The following MYH11 variants were observed in gnomAD, a reference collection of about 807,000 sequenced individuals.
MYH11 encodes myosin heavy chain 11, also known as myosin-11.
In MYH11, 80 loss-of-function variants were observed where a neutral mutation model predicts 246.6. That is an observed-to-expected ratio of 0.32 (90% CI 0.27 to 0.39). MYH11 has a LOEUF of 0.39. Among genes scored for constraint, MYH11 ranks in the 10% least tolerant of loss-of-function variants. The probability of loss-of-function intolerance (pLI) is 1.00; values close to 1 mark genes in which losing one functional copy is unlikely to be tolerated. For missense variants in MYH11, 2,158 were observed against 2,546.8 expected, an observed-to-expected ratio of 0.85 and a Z score of 3.29; for synonymous variants, 1,071 against 1,015.5, an observed-to-expected ratio of 1.05 and a Z score of -1.04.
At chr16:15,812,801 A>G (rs1188494700) in intron 3 of MYH11, among the ~76,000 whole-genome samples, 1 of 152,116 alleles carries the variant, frequency 6.6e-6, no homozygotes, top group East Asian at 1.9e-4. Flanking sequence ...GGAGCCTAGG[A>G]GGTCAAGCCT....
intron 6 of MYH11, 34 bp from the exon 7 acceptor site, chr16:15,778,877 G>C: frequency 1.2e-6 from 2 of 1,608,936 alleles, no homozygotes; most frequent in Non-Finnish European, 1.7e-6. Flanking sequence ...AGGCTTTGCT[G>C]CCCAACTTCA....
intron 5 of MYH11, chr16:15,783,246 TG>T (rs2042395810): frequency 6.6e-6 from 1 of 152,310 alleles, no homozygotes; most frequent in Non-Finnish European, 1.5e-5. Flanking sequence ...CCCTAAAACA[TG>T]GCGGCTGCAG....
At chr16:15,807,971 G>C (rs149318493) in intron 3 of MYH11, among the ~76,000 whole-genome samples, 1 of 152,070 alleles carries the variant, frequency 6.6e-6, no homozygotes. Context: ...AAAACCCAGC[G>C]GGGACTGAGC....
chr16:15,787,267 G>A (rs141699810), intron 4 of MYH11, among the ~76,000 whole-genome samples: 3,542 of 150,622 alleles, frequency 0.024, 158 homozygotes, highest in African/African-American at 0.082. Flanking sequence ...AATTAACCAG[G>A]CTTGGTGGTG....
chr16:15,788,849 G>A (rs527526051), intron 4 of MYH11, among the ~76,000 whole-genome samples: 2 of 148,840 alleles, frequency 1.3e-5, no homozygotes, highest in East Asian at 4.0e-4. Context: ...TGTAAAAGAG[G>A]AGAACTGGCC....
intron 9 of MYH11, among the ~76,000 whole-genome samples, chr16:15,768,908 G>T (rs779475713): frequency 2.0e-5 from 3 of 152,084 alleles, no homozygotes; most frequent in African/African-American, 4.8e-5. Flanking sequence ...CACTTTGGGA[G>T]GCCAAGGTGG....
intron 3 of MYH11, among the ~76,000 whole-genome samples, chr16:15,807,857 G>A (rs1439125824): frequency 6.6e-6 from 1 of 152,224 alleles, no homozygotes; most frequent in African/African-American, 2.4e-5. Flanking sequence ...ACTCCCAGGA[G>A]GTACCCAGCT....
intron 4 of MYH11, among the ~76,000 whole-genome samples, chr16:15,797,614 C>G (rs923662366): frequency 1.3e-5 from 2 of 148,572 alleles, no homozygotes; most frequent in African/African-American, 4.9e-5. Context: ...TATGCACAGT[C>G]TATCCTCATT....
At chr16:15,793,650 C>T (rs1253213017) in intron 4 of MYH11, among the ~76,000 whole-genome samples, 5 of 133,530 alleles carry the variant, frequency 3.7e-5, no homozygotes, top group South Asian at 2.4e-4. Flanking sequence ...GACAGAGTCT[C>T]GCTCTGTCAC....
chr16:15,747,561 C>A lies in MYH11; in HGVS notation c.2411+9G>T. 4 of 1,614,146 alleles carry A rather than the reference C, an allele frequency of 2.5e-6. No homozygotes were observed. Among genetic ancestry groups the A allele is most frequent in the Non-Finnish European group, 3.4e-6 (4 of 1,180,030 alleles). On this transcript the variant is annotated intron_variant, in intron 19 of 40. Coordinates refer to ENST00000300036, the MANE Select transcript of MYH11 (RefSeq NM_002474.3). ...TTTGAGGTATTAGGATGCAGGAAAGCATCTTTACTTTCTGGCCAAGTAGCC... is the reference window on the plus strand; with the variant it reads ...TTTGAGGTATTAGGATGCAGGAAAGAATCTTTACTTTCTGGCCAAGTAGCC...
At chr16:15,716,001 C>T (rs1470896871) in intron 38 of MYH11, among the ~76,000 whole-genome samples, 1 of 152,046 alleles carries the variant, frequency 6.6e-6, no homozygotes, top group Non-Finnish European at 1.5e-5. Context: ...GTGGTGTGCA[C>T]CTGTAGTCCC....
At chr16:15,764,038 G>A (rs2041927887) in intron 9 of MYH11, 147 bp from the exon 10 acceptor site, 1 of 717,418 alleles carries the variant, frequency 1.4e-6, no homozygotes, top group East Asian at 2.7e-5. Flanking sequence ...ATTTTCATAT[G>A]GTTGCTTAAA....
At chr16:15,760,067 C>T (rs73504420) in intron 11 of MYH11, among the ~76,000 whole-genome samples, 8 of 152,158 alleles carry the variant, frequency 5.3e-5, no homozygotes, top group Non-Finnish European at 8.8e-5. Flanking sequence ...ACTGCACCCC[C>T]CCCTGGGCAA....
chr16:15,741,086 C>T (rs897328553), intron 22 of MYH11: 11 of 372,802 alleles, frequency 3.0e-5, no homozygotes, highest in African/African-American at 1.0e-4. Flanking sequence ...AACCTCAGGC[C>T]GGACCCTCAG....
intron 1 of MYH11, among the ~76,000 whole-genome samples, chr16:15,842,843 C>T (rs77787719): frequency 0.061 from 9,125 of 149,030 alleles, 395 homozygotes; most frequent in East Asian, 0.19. Flanking sequence ...CTTCAGATAT[C>T]CAGAAAGAGA....
At chr16:15,714,705 T>G in intron 40 of MYH11, 1 of 664,276 alleles carries the variant, frequency 1.5e-6, no homozygotes, top group South Asian at 1.8e-5. Flanking sequence ...GAAGGTTAGC[T>G]GCTACCAGGC....
intron 40 of MYH11, among the ~76,000 whole-genome samples, chr16:15,712,332 C>T (rs940482362): frequency 6.6e-6 from 1 of 152,062 alleles, no homozygotes; most frequent in Non-Finnish European, 1.5e-5. Flanking sequence ...TTAGTTGAGA[C>T]CTCTCACCTA....
intron 3 of MYH11, among the ~76,000 whole-genome samples, chr16:15,805,484 T>C (rs2042987904): frequency 6.6e-6 from 1 of 152,218 alleles, no homozygotes. Flanking sequence ...GTTTTTCTTT[T>C]CCATATTGGT....
chr16:15,709,159 C>T (rs1371376674), intron 40 of MYH11, among the ~76,000 whole-genome samples: 1 of 151,492 alleles, frequency 6.6e-6, no homozygotes, highest in East Asian at 2.0e-4. Context: ...TCAGGCTTGT[C>T]TCCAACTCCT....
Sources: allele counts gnomAD v4.1 joint callset (sites outside exome capture counted in the v4.1 genomes callset), GRCh38; gene constraint gnomAD v4.1.1; transcripts MANE v1.5; gene names NCBI Gene and HGNC (gene_info 2026-07-23, HGNC 2026-07-21).